Variants in CACNB2 observed in about 807,000 individuals in gnomAD.
CACNB2 encodes the protein voltage-dependent L-type calcium channel subunit beta-2.
Under a neutral mutation model 73.3 loss-of-function variants are expected in CACNB2, and 42 were observed. That is an observed-to-expected ratio of 0.57 (90% CI 0.45 to 0.74). The LOEUF (loss-of-function observed/expected upper bound fraction) is 0.74. Ranked by LOEUF, CACNB2 falls within the 30% of genes least tolerant of loss-of-function variation. CACNB2 has a pLI of 0.00. For missense variants in CACNB2, 940 were observed against 853.0 expected (o/e 1.10, Z -1.27); for synonymous variants, 348 against 310.3 (o/e 1.12, Z -1.28).
chr10:18,239,164 A>T (rs1462997118), intron 2 of CACNB2, among the ~76,000 whole-genome samples: 2 of 152,034 alleles, frequency 1.3e-5, no homozygotes, highest in East Asian at 1.9e-4. Context: ...TTTATTTTTA[A>T]TTTTTTTATT....
At chr10:18,416,951 A>ATT (rs756030045) in intron 3 of CACNB2, among the ~76,000 whole-genome samples, 7 of 140,782 alleles carry the variant, frequency 5.0e-5, no homozygotes, top group Admixed American at 1.4e-4. Context: ...CTTCTGCCTC[A>ATT]TTTTTTTTTT....
At chr10:18,389,762 T>C (rs1458864274) in intron 2 of CACNB2, among the ~76,000 whole-genome samples, 5 of 152,236 alleles carry the variant, frequency 3.3e-5, no homozygotes, top group Non-Finnish European at 7.3e-5. Context: ...GGTGTGAAAG[T>C]ATCAATTTAA....
chr10:18,234,667 A>G (rs985684284), intron 2 of CACNB2, among the ~76,000 whole-genome samples: 6 of 152,206 alleles, frequency 3.9e-5, no homozygotes, highest in African/African-American at 1.4e-4. Flanking sequence ...TAGAGAAGAC[A>G]AATACGTAGA....
chr10:18,282,777 A>C (rs1200896425), intron 2 of CACNB2, among the ~76,000 whole-genome samples: 1 of 152,190 alleles, frequency 6.6e-6, no homozygotes, highest in Non-Finnish European at 1.5e-5. Context: ...TGATAAAGAC[A>C]GTCCCTAGAC....
At chr10:18,178,987 T>G (rs2033741593) in intron 2 of CACNB2, among the ~76,000 whole-genome samples, 1 of 152,194 alleles carries the variant, frequency 6.6e-6, no homozygotes. Context: ...GAGACTCTTT[T>G]TTTAAAGAGG....
At chr10:18,241,529 C>A (rs1403646296) in intron 2 of CACNB2, among the ~76,000 whole-genome samples, 1 of 151,316 alleles carries the variant, frequency 6.6e-6, no homozygotes, top group East Asian at 1.9e-4. Context: ...CATATGTATA[C>A]CTATGTAAGA....
intron 3 of CACNB2, among the ~76,000 whole-genome samples, chr10:18,477,185 T>A (rs1274837526): frequency 2.0e-5 from 3 of 152,144 alleles, no homozygotes; most frequent in Admixed American, 6.6e-5. Flanking sequence ...AGGTTCCCTG[T>A]CTCCAGGCCC....
At chr10:18,459,253 C>A (rs887016921) in intron 3 of CACNB2, among the ~76,000 whole-genome samples, 1 of 152,200 alleles carries the variant, frequency 6.6e-6, no homozygotes, top group South Asian at 2.1e-4. Flanking sequence ...CCTAATGACA[C>A]TAGAAACATT....
At chr10:18,154,292 T>TG (rs1564299927) in intron 2 of CACNB2, among the ~76,000 whole-genome samples, 5 of 137,568 alleles carry the variant, frequency 3.6e-5, no homozygotes, top group Non-Finnish European at 3.2e-5. Flanking sequence ...TTAAGAACTT[T>TG]AAAAAAAAAA....
chr10:18,302,026 T>C (rs1236523592), intron 2 of CACNB2, among the ~76,000 whole-genome samples: 1 of 152,072 alleles, frequency 6.6e-6, no homozygotes, highest in Non-Finnish European at 1.5e-5. Context: ...TTATGCATTC[T>C]ATAAAAGTAA....
rs141679420 is a variant in CACNB2, at chr10:18,259,978, A to C, written c.213+109003A>C. Among the ~76,000 whole-genome samples the C allele has an allele frequency of 1.0e-3, 155 of 152,274 alleles. 3 individuals are homozygous for C. The Middle Eastern group carries it at 0.01, about 10-fold the overall frequency. On this transcript the variant is annotated intron_variant, in intron 2 of 13. Coordinates refer to ENST00000324631, the MANE Select transcript of CACNB2 (RefSeq NM_201596.3). ...TGTCTTTTATTTTTCCAGGAGCCTA[A>C]AGGATGTAGTGGTGGTTAATCTGTG...
chr10:18,498,398 G>T lies in CACNB2; in HGVS notation c.377G>T (p.Ser126Ile), dbSNP rs553297982. ...GCGGTTCGGACAAATGTCAGCTACAGTGCGGCCCATGAAGATGATGTTCCA... is the reference window on the plus strand; with the variant it reads ...GCGGTTCGGACAAATGTCAGCTACATTGCGGCCCATGAAGATGATGTTCCA... ...AFAVRTNVSY[S>I]AAHEDDVPVP... Residue 126 changes from serine (S) to isoleucine (I), a missense_variant, in exon 4 of 14, where the codon AGT becomes ATT. Transcript: ENST00000324631. 6.2e-7 allele frequency: 1 copy of T among 1,614,140 alleles called. No homozygotes were observed. Among genetic ancestry groups the T allele is most frequent in the Non-Finnish European group, 8.5e-7 (1 of 1,179,990 alleles).
chr10:18,168,292 A>T (rs2032999962), intron 2 of CACNB2, among the ~76,000 whole-genome samples: 1 of 152,140 alleles, frequency 6.6e-6, no homozygotes, highest in Non-Finnish European at 1.5e-5. Context: ...ACTAAAAGAA[A>T]GCAAGCTTGG....
intron 3 of CACNB2, among the ~76,000 whole-genome samples, chr10:18,477,856 G>A (rs1408436331): frequency 6.6e-6 from 1 of 152,164 alleles, no homozygotes; most frequent in African/African-American, 2.4e-5. Context: ...GGAACAAAAG[G>A]GAAGGCAACT....
intron 3 of CACNB2, among the ~76,000 whole-genome samples, chr10:18,451,984 C>T (rs1468482653): frequency 6.6e-6 from 1 of 152,140 alleles, no homozygotes; most frequent in African/African-American, 2.4e-5. Flanking sequence ...AGAGGTGACC[C>T]AACCTCCCAT....
At chr10:18,356,942 CTTTTTTT>C (rs71402158) in intron 2 of CACNB2, among the ~76,000 whole-genome samples, 1 of 101,104 alleles carries the variant, frequency 9.9e-6, no homozygotes, top group Non-Finnish European at 2.0e-5. Flanking sequence ...GACTCAATTT[CTTTTTTT>C]TTTTTTTTTT....
chr10:18,296,840 G>T (rs1287479548), intron 2 of CACNB2, among the ~76,000 whole-genome samples: 1 of 152,180 alleles, frequency 6.6e-6, no homozygotes, highest in African/African-American at 2.4e-5. Context: ...TAGTGAGAAA[G>T]TATGTGCGGT....
intron 2 of CACNB2, among the ~76,000 whole-genome samples, chr10:18,245,126 C>T (rs2036811352): frequency 6.6e-6 from 1 of 151,854 alleles, no homozygotes; most frequent in South Asian, 2.1e-4. Flanking sequence ...GGACTCCCAG[C>T]CTGCAGAACT....
At chr10:18,385,164 T>A (rs1286283088) in intron 2 of CACNB2, among the ~76,000 whole-genome samples, 1 of 151,840 alleles carries the variant, frequency 6.6e-6, no homozygotes, top group African/African-American at 2.4e-5. Flanking sequence ...ACACATGTAA[T>A]CCCAGGTACT....
Sources: allele counts gnomAD v4.1 joint callset (sites outside exome capture counted in the v4.1 genomes callset), GRCh38; gene constraint gnomAD v4.1.1; transcripts MANE v1.5; gene names NCBI Gene and HGNC (gene_info 2026-07-23, HGNC 2026-07-21).